CCNY: variants seen among roughly 807,000 people sequenced by gnomAD.
CCNY encodes the protein cyclin Y, also known as cyclin-Y.
Under a neutral mutation model 42.8 loss-of-function variants are expected in CCNY, and 19 were observed. The ratio of observed to expected loss-of-function variants is 0.44; its 90% CI spans 0.31 to 0.65. CCNY has a LOEUF of 0.65. Among genes scored for constraint, CCNY ranks in the 30% least tolerant of loss-of-function variants. CCNY has a pLI of 0.07. For synonymous variants in CCNY, 165 were observed against 162.7 expected, an observed-to-expected ratio of 1.01 and a Z score of -0.11; for missense variants, 370 against 437.3, an observed-to-expected ratio of 0.85 and a Z score of 1.37.
intron 1 of CCNY, among the ~76,000 whole-genome samples, chr10:35,338,274 G>A (rs186158551): frequency 1.3e-5 from 2 of 152,304 alleles, no homozygotes; most frequent in East Asian, 3.9e-4. Context: ...CTTTGCTAAA[G>A]GAAAGATTTT....
intron 1 of CCNY, among the ~76,000 whole-genome samples, chr10:35,447,767 G>A (rs956514462): frequency 6.6e-6 from 1 of 152,158 alleles, no homozygotes; most frequent in Non-Finnish European, 1.5e-5. Context: ...TCTGTTCTCT[G>A]GCTTGCTGAG....
At position 35,479,046 on chromosome 10, in the gene CCNY, C is replaced by A. The variant is rs868155342; in HGVS notation, c.155-4358C>A. Among the ~76,000 whole-genome samples, 287 of 152,196 alleles carry A rather than the reference C, an allele frequency of 1.9e-3. 1 individual carries two copies. Among genetic ancestry groups the A allele is most frequent in the African/African-American group, 6.5e-3 (271 of 41,536 alleles). ...GCCATCAGAGAAATGCAAATCAAAA[C>A]CACAATGAGATACCATCTCACACCA... On this transcript the variant is annotated intron_variant, in intron 1 of 9. Coordinates refer to ENST00000374704, the MANE Select transcript of CCNY (RefSeq NM_145012.6).
At chr10:35,264,455 C>T (rs1419926104) in intron 3 of CCNY, among the ~76,000 whole-genome samples, 2 of 152,092 alleles carry the variant, frequency 1.3e-5, no homozygotes, top group Admixed American at 1.3e-4. Context: ...GTTCTTTTTT[C>T]TCTGCAACTT....
intron 3 of CCNY, among the ~76,000 whole-genome samples, chr10:35,276,105 C>G (rs932112501): frequency 3.3e-5 from 5 of 152,192 alleles, no homozygotes; most frequent in Admixed American, 1.3e-4. Context: ...AAGTTCTGGA[C>G]CTGAAAATAG....
intron 1 of CCNY, among the ~76,000 whole-genome samples, chr10:35,477,415 A>T (rs1247856086): frequency 6.6e-6 from 1 of 150,672 alleles, no homozygotes; most frequent in African/African-American, 2.4e-5. Context: ...TGAATCCAGC[A>T]GCACATCAAA....
At chr10:35,336,459 G>T (rs1478611762), upstream of CCNY, 1 of 151,568 alleles carries the variant, frequency 6.6e-6, no homozygotes, top group African/African-American at 2.4e-5. Context: ...ACGGGGCGGG[G>T]CGGGGGCTGC....
At chr10:35,521,897 C>G (rs1840555200) in intron 4 of CCNY, among the ~76,000 whole-genome samples, 1 of 151,984 alleles carries the variant, frequency 6.6e-6, no homozygotes, top group South Asian at 2.1e-4. Context: ...ATGACCGGCA[C>G]AGCTAAGCTG....
chr10:35,528,453 T>C (rs139060979), intron 5 of CCNY, among the ~76,000 whole-genome samples: 1,581 of 152,264 alleles, frequency 0.01, 24 homozygotes, highest in African/African-American at 0.036. Flanking sequence ...CCTGTAATCC[T>C]AGCACTTTGG....
intron 2 of CCNY, among the ~76,000 whole-genome samples, chr10:35,496,369 G>A (rs761379419): frequency 2.0e-5 from 3 of 152,206 alleles, no homozygotes; most frequent in Non-Finnish European, 2.9e-5. Flanking sequence ...TCCTACACGC[G>A]GTCTCCTCTC....
In CCNY at chr10:35,351,114, G is replaced by T. The variant is rs1754445994; in HGVS notation, c.154+13907G>T. Among the ~76,000 whole-genome samples the T allele has an allele frequency of 2.0e-5, 3 of 152,146 alleles. No homozygotes were observed. In the South Asian group the frequency reaches 6.2e-4, roughly 32 times the overall value. On this transcript the variant is annotated intron_variant, in intron 1 of 9. Transcript: ENST00000374704. ...AAGAGAGTAGCTATTCATTAAAGAG[G>T]TGGTTTTCAACACTGCTATTACAGA...
At chr10:35,252,347 C>T (rs182037371) in intron 3 of CCNY, among the ~76,000 whole-genome samples, 4 of 152,018 alleles carry the variant, frequency 2.6e-5, no homozygotes, top group Admixed American at 6.6e-5. Flanking sequence ...GGGCAGATGA[C>T]GAGGTCAGGA....
chr10:35,401,967 T>C (rs1399877891), intron 1 of CCNY, among the ~76,000 whole-genome samples: 1 of 152,188 alleles, frequency 6.6e-6, no homozygotes, highest in Non-Finnish European at 1.5e-5. Flanking sequence ...TGGATGTATA[T>C]GTGCAGGTCA....
At chr10:35,562,116 G>A (rs1022217403) in intron 8 of CCNY, among the ~76,000 whole-genome samples, 4 of 152,180 alleles carry the variant, frequency 2.6e-5, no homozygotes, top group Non-Finnish European at 1.5e-5. Flanking sequence ...ATTACACCTC[G>A]AGGTTTGTCT....
At chr10:35,559,974 CTCTT>C (rs1211287915) in intron 8 of CCNY, among the ~76,000 whole-genome samples, 3 of 152,130 alleles carry the variant, frequency 2.0e-5, no homozygotes, top group South Asian at 2.1e-4. Context: ...ACACTGTGAC[CTCTT>C]TCTTTCTGAG....
intron 3 of CCNY, among the ~76,000 whole-genome samples, chr10:35,504,746 C>T (rs548544425): frequency 6.6e-6 from 1 of 152,288 alleles, no homozygotes; most frequent in South Asian, 2.1e-4. Context: ...AAACTATTCA[C>T]CTGCCTCAGC....
chr10:35,254,987 G>A (rs1205596860), intron 3 of CCNY, among the ~76,000 whole-genome samples: 3 of 152,214 alleles, frequency 2.0e-5, no homozygotes, highest in Non-Finnish European at 2.9e-5. Context: ...ACAATCGACT[G>A]TTGGGTTGTG....
At chr10:35,275,685 C>G (rs956019608) in intron 3 of CCNY, among the ~76,000 whole-genome samples, 4 of 151,978 alleles carry the variant, frequency 2.6e-5, no homozygotes, top group Non-Finnish European at 4.4e-5. Flanking sequence ...ATGGCGTGAA[C>G]CCGGGAGGCG....
chr10:35,527,151 A>G (rs1163914006), intron 5 of CCNY, among the ~76,000 whole-genome samples: 1 of 152,212 alleles, frequency 6.6e-6, no homozygotes, highest in African/African-American at 2.4e-5. Context: ...ATGGTTCTTT[A>G]TGGTGCTTGA....
At chr10:35,495,272 A>G (rs955207218) in intron 2 of CCNY, among the ~76,000 whole-genome samples, 10 of 152,142 alleles carry the variant, frequency 6.6e-5, no homozygotes, top group Non-Finnish European at 2.9e-5. Context: ...ATAAGCATGC[A>G]TTTCTTTTCT....
Sources: gnomAD v4.1 joint callset for allele counts (sites outside exome capture counted in the v4.1 genomes callset) on GRCh38, gnomAD v4.1.1 for gene constraint, MANE v1.5 for transcripts, NCBI Gene and HGNC (gene_info 2026-07-23, HGNC 2026-07-21) for gene names.